Variants in PTPN22 observed in about 807,000 individuals in gnomAD.
PTPN22 encodes the protein protein tyrosine phosphatase non-receptor type 22.
In PTPN22, 85 loss-of-function variants were observed where a neutral mutation model predicts 103.3. That is an observed-to-expected ratio of 0.82 (90% CI 0.69 to 0.99). The LOEUF (loss-of-function observed/expected upper bound fraction) is 0.99, where lower values mean the gene tolerates loss of function less well. Ranked by LOEUF, PTPN22 falls within the 50% of genes least tolerant of loss-of-function variation. PTPN22 has a pLI of 0.00. For missense variants in PTPN22, 865 were observed against 936.9 expected, an observed-to-expected ratio of 0.92 and a Z score of 1.00; for synonymous variants, 323 against 310.2, an observed-to-expected ratio of 1.04 and a Z score of -0.43.
intron 11 of PTPN22, among the ~76,000 whole-genome samples, chr1:113,845,200 G>GTTT (rs766526572): frequency 3.6e-5 from 5 of 137,668 alleles, no homozygotes; most frequent in African/African-American, 1.1e-4. Context: ...TTTTGTTTTT[G>GTTT]TTTTTTTTTT....
At chr1:113,822,109 A>G (rs975685198) in intron 19 of PTPN22, among the ~76,000 whole-genome samples, 1 of 152,220 alleles carries the variant, frequency 6.6e-6, no homozygotes, top group Non-Finnish European at 1.5e-5. Flanking sequence ...GAGACATGAA[A>G]TGAGAATTTA....
chr1:113,833,187 T>G (rs1345885543), intron 15 of PTPN22, 49 bp from the exon 16 acceptor site: 2 of 1,435,516 alleles, frequency 1.4e-6, no homozygotes, highest in Non-Finnish European at 1.9e-6. Flanking sequence ...TGTATACAAA[T>G]TATACAAACT....
intron 7 of PTPN22, 79 bp from the exon 8 acceptor site, chr1:113,855,128 G>A: frequency 7.8e-7 from 1 of 1,283,362 alleles, no homozygotes; most frequent in Non-Finnish European, 1.1e-6. Flanking sequence ...CTCACTACCT[G>A]GGTGATGGGA....
At chr1:113,857,837 A>T in intron 4 of PTPN22, 61 bp from the exon 5 acceptor site, 1 of 1,449,480 alleles carries the variant, frequency 6.9e-7, no homozygotes, top group Non-Finnish European at 9.5e-7. Flanking sequence ...AGCAGTTAAT[A>T]CATGGATCCC....
At chr1:113,862,611 G>A (rs896033406) in intron 1 of PTPN22, among the ~76,000 whole-genome samples, 5 of 152,162 alleles carry the variant, frequency 3.3e-5, no homozygotes, top group Non-Finnish European at 5.9e-5. Flanking sequence ...ACAAGACCAC[G>A]ATATCTTTGC....
intron 1 of PTPN22, among the ~76,000 whole-genome samples, chr1:113,861,486 C>A (rs1220556855): frequency 6.6e-6 from 1 of 152,084 alleles, no homozygotes; most frequent in South Asian, 2.1e-4. Flanking sequence ...GTGATCTGCC[C>A]GCCTTGGCCT....
chr1:113,861,805 T>A (rs1427871292), intron 1 of PTPN22, among the ~76,000 whole-genome samples: 1 of 151,990 alleles, frequency 6.6e-6, no homozygotes, highest in African/African-American at 2.4e-5. Flanking sequence ...GGAGGAACCC[T>A]GAAAGTAGAA....
chr1:113,832,686 G>A (rs1398968124), intron 16 of PTPN22, among the ~76,000 whole-genome samples: 1 of 152,190 alleles, frequency 6.6e-6, no homozygotes, highest in African/African-American at 2.4e-5. Flanking sequence ...CAAAGTACCT[G>A]GAAGTGCCCA....
At chr1:113,816,614 A>G (rs2101854772) in intron 20 of PTPN22, among the ~76,000 whole-genome samples, 1 of 152,082 alleles carries the variant, frequency 6.6e-6, no homozygotes, top group South Asian at 2.1e-4. Context: ...TGTTGCTTAA[A>G]TTTCAACCCA....
chr1:113,835,780 C>T lies in PTPN22; in HGVS notation c.1811-787G>A, dbSNP rs370066800. 1.6e-4 allele frequency among the ~76,000 whole-genome samples: 24 copies of T among 152,134 alleles called. No individual in the cohort carries two copies. In the East Asian group the frequency reaches 3.7e-3, roughly 23 times the overall value. Reference sequence around the variant, plus strand: ...AAAATTCAAGAATATGGGTATTTTTCCATTTTACAAAACAACAGTATAGGA... The same window carrying T: ...AAAATTCAAGAATATGGGTATTTTTTCATTTTACAAAACAACAGTATAGGA... On this transcript the variant is annotated intron_variant, in intron 13 of 20. Coordinates refer to ENST00000359785, the Ensembl canonical transcript of PTPN22.
chr1:113,862,322 A>G (rs1665686325), intron 1 of PTPN22, among the ~76,000 whole-genome samples: 1 of 152,028 alleles, frequency 6.6e-6, no homozygotes, highest in African/African-American at 2.4e-5. Flanking sequence ...GAATAAAGTG[A>G]AGAGAGAGCT....
chr1:113,866,511 AAACAACAACAAC>A (rs374580486), intron 1 of PTPN22, among the ~76,000 whole-genome samples: 5 of 150,922 alleles, frequency 3.3e-5, no homozygotes, highest in East Asian at 1.9e-4. Context: ...CTCCATCTCA[AAACAACAACAAC>A]AACAACAACA....
chr1:113,817,584 C>T (rs2101860849), intron 20 of PTPN22, among the ~76,000 whole-genome samples: 2 of 151,408 alleles, frequency 1.3e-5, no homozygotes, highest in Admixed American at 1.3e-4. Flanking sequence ...ACTACAGGCA[C>T]ATGCCACCAT....
chr1:113,816,725 A>C (rs550766428), intron 20 of PTPN22, among the ~76,000 whole-genome samples: 68 of 152,124 alleles, frequency 4.5e-4, no homozygotes, highest in Non-Finnish European at 6.9e-4. Flanking sequence ...CCTGGCCAAC[A>C]TGATGAAACC....
chr1:113,834,494 A>C (rs1662809924), intron 14 of PTPN22, 55 bp from the exon 15 acceptor site: 1 of 1,532,100 alleles, frequency 6.5e-7, no homozygotes, highest in Admixed American at 1.7e-5. Context: ...TTTAGACATC[A>C]AATGTTGCTC....
At chr1:113,834,794 C>T (rs749967202) in intron 14 of PTPN22, 116 bp downstream of exon 14, 1 of 870,188 alleles carries the variant, frequency 1.1e-6, no homozygotes, top group Non-Finnish European at 1.8e-6. Flanking sequence ...CTCCTGGCCT[C>T]AATGAACTCC....
intron 11 of PTPN22, among the ~76,000 whole-genome samples, 153 bp downstream of exon 11, chr1:113,848,387 A>T (rs536567507): frequency 6.6e-6 from 1 of 152,258 alleles, no homozygotes; most frequent in Non-Finnish European, 1.5e-5. Context: ...TTAATTTGTC[A>T]TTTTCCACAG....
intron 1 of PTPN22, 120 bp from the exon 2 acceptor site, chr1:113,859,580 G>T (rs1051362042): frequency 1.3e-6 from 1 of 770,100 alleles, no homozygotes; most frequent in Non-Finnish European, 2.1e-6. Context: ...ATTATCTTCT[G>T]GTTCTGACTC....
chr1:113,858,197 A>G lies in PTPN22; in HGVS notation c.369+281T>C, dbSNP rs1665241918. 2.0e-5 allele frequency among the ~76,000 whole-genome samples: 3 copies of G among 152,208 alleles called. 1 individual carries two copies. The highest frequency in any genetic ancestry group is 4.1e-4 in the South Asian group (2 of 4,826). On this transcript the variant is annotated intron_variant, in intron 4 of 20. Transcript: ENST00000359785. ...ATCAGCTTCCCCAGTAGCTGGGACT[A>G]CAGGCACACACCACCACTCCCAGCT...
Sources: gnomAD v4.1 joint callset for allele counts (sites outside exome capture counted in the v4.1 genomes callset) on GRCh38, gnomAD v4.1.1 for gene constraint, MANE v1.5 for transcripts, NCBI Gene and HGNC (gene_info 2026-07-23, HGNC 2026-07-21) for gene names.